The following ASIC4 variants were observed in gnomAD, a reference collection of about 807,000 sequenced individuals.
ASIC4 encodes acid-sensing ion channel 4.
In ASIC4, 28 loss-of-function variants were observed where a neutral mutation model predicts 53.4. That is an observed-to-expected ratio of 0.52 (90% CI 0.39 to 0.72). The LOEUF (loss-of-function observed/expected upper bound fraction) is 0.72, where lower values mean the gene tolerates loss of function less well. Among genes scored for constraint, ASIC4 ranks in the 30% least tolerant of loss-of-function variants. ASIC4 has a pLI of 0.00. For missense variants in ASIC4, 649 were observed against 729.7 expected, an observed-to-expected ratio of 0.89 and a Z score of 1.27; for synonymous variants, 289 against 301.4, an observed-to-expected ratio of 0.96 and a Z score of 0.43.
In ASIC4 at chr2:219,517,712, C is replaced by T. The variant is rs1201631121; in HGVS notation, c.582+2406C>T. ...GGGTCTCCAAAAAGGACGTGAGGTC[C>T]ATAATCAGCTCTGTGGTGAGGACCT... On this transcript the variant is annotated intron_variant, in intron 1 of 9. Transcript: ENST00000358078. The surrounding 1 kb of genome is among the most constrained non-coding windows in gnomAD (Gnocchi z 4.2). Among the ~76,000 whole-genome samples the T allele has an allele frequency of 6.6e-6, 1 of 152,052 alleles. No homozygotes were observed. The highest frequency in any genetic ancestry group is 1.9e-4 in the East Asian group (1 of 5,190).
chr2:219,515,467 G>A (rs184209670), intron 1 of ASIC4, among the ~76,000 whole-genome samples, 161 bp downstream of exon 1: 1 of 152,374 alleles, frequency 6.6e-6, no homozygotes, highest in Admixed American at 6.5e-5. Context: ...GTCTCCCTCT[G>A]GCTTCCCAGC....
rs1695148660 is a variant in ASIC4, at chr2:219,536,990, G to C, written c.1230-76G>C. 1.5e-6 allele frequency: 2 copies of C among 1,303,386 alleles called. No homozygotes were observed. Among genetic ancestry groups the C allele is most frequent in the Non-Finnish European group, 2.2e-6 (2 of 911,396 alleles). The allele number at this position is 1,303,386 out of a possible 1,614,324, so 80.7% of individuals were successfully genotyped here. A position where few individuals can be genotyped will look rare whatever the true frequency, so the allele number is the denominator to read the frequency against. ...ATGTAGTGATCTCTGATCAGGATCT[G>C]CTGGATCCAGGATGCCCCTGCCAGC... On this transcript the variant is annotated intron_variant, in intron 6 of 9. Transcript: ENST00000358078. This position sits in a 1 kb window ranked among gnomAD's most constrained non-coding sequence, Gnocchi z 4.6.
chr2:219,533,289 T>A, intron 5 of ASIC4: 1 of 411,520 alleles, frequency 2.4e-6, no homozygotes, highest in Middle Eastern at 7.3e-4. Context: ...GCTATCGGTG[T>A]GGGTAAGGCA....
rs745384849 is a variant in ASIC4, at chr2:219,532,349, G to A, written c.890G>A (p.Arg297His). 7.2e-5 allele frequency: 116 copies of A among 1,613,638 alleles called. 1 individual carries two copies. The East Asian group carries it at 8.7e-4, about 12-fold the overall frequency. Residue 297 changes from arginine to histidine, a missense_variant, in exon 4 of 10, where the codon CGC (arginine) becomes CAC (histidine). Coordinates refer to ENST00000358078, the MANE Select transcript of ASIC4 (RefSeq NM_018674.6). ...CTGCCCCAGCCCTGGGGCAACTGCC[G>A]CGCAGAGAGTGAGCTCAGGGAGCCT... ...TYLPQPWGNC[R>H]AESELREPEL... is the part of the protein sequence containing the mutation.
Position 219,535,337 on chromosome 2 carries a change from GT to G in ASIC4, c.1229+14del, listed in dbSNP as rs757037555. 4.8e-5 allele frequency: 76 copies of G among 1,570,538 alleles called. 3 individuals are homozygous for G. In the Admixed American group the frequency reaches 8.0e-4, roughly 17 times the overall value. On this transcript the variant is annotated intron_variant, in intron 6 of 9. Transcript: ENST00000358078. ...AGACCTACATACGGTATGTGTGTGT[GT>G]GTGTGGGGGGTGGCTGTGTGACTCT...
Position 219,515,071 on chromosome 2 carries a change from C to A in ASIC4, c.347C>A (p.Thr116Asn). Reference sequence around the variant, plus strand: ...CCAGTGGCGGGCTTCCCGGCTGTCACCCTCTGCAATATCAACCGCTTCCGG... The same window carrying A: ...CCAGTGGCGGGCTTCCCGGCTGTCAACCTCTGCAATATCAACCGCTTCCGG... ...PAPVAGFPAV[T>N]LCNINRFRHS... Residue 116 changes from threonine (T) to asparagine (N), a missense_variant, in exon 1 of 10, where the codon ACC becomes AAC. Transcript: ENST00000358078. The A allele has an allele frequency of 6.2e-7, 1 of 1,613,760 alleles. No individual in the cohort carries two copies. The highest frequency in any genetic ancestry group is 8.5e-7 in the Non-Finnish European group (1 of 1,180,006).
intron 4 of ASIC4, 103 bp from the exon 5 acceptor site, chr2:219,532,780 A>G (rs1695064505): frequency 9.0e-7 from 1 of 1,114,748 alleles, no homozygotes; most frequent in Non-Finnish European, 1.3e-6. Context: ...ATTTATGCAA[A>G]TGTGTGCATA....
upstream of ASIC4, among the ~76,000 whole-genome samples, chr2:219,510,355 C>A (rs977003853): frequency 6.6e-6 from 1 of 152,176 alleles, no homozygotes; most frequent in East Asian, 1.9e-4. This position sits in a 1 kb window ranked among gnomAD's most constrained non-coding sequence, Gnocchi z 5.2. Flanking sequence ...CACCCCCTCC[C>A]GGCCAGCCTG....
intron 3 of ASIC4, 35 bp from the exon 4 acceptor site, chr2:219,532,280 C>T (rs1423458229): frequency 6.3e-7 from 1 of 1,599,560 alleles, no homozygotes; most frequent in Non-Finnish European, 8.6e-7. Flanking sequence ...GGGTGGGATT[C>T]CTGAGCATGA....
intron 1 of ASIC4, among the ~76,000 whole-genome samples, chr2:219,521,955 G>C (rs1694891426): frequency 1.3e-5 from 2 of 152,202 alleles, no homozygotes; most frequent in African/African-American, 4.8e-5. Context: ...GAAGGCAGGA[G>C]GAGGACAGAG....
upstream of ASIC4, among the ~76,000 whole-genome samples, chr2:219,512,541 G>A (rs1035750899): frequency 1.3e-5 from 2 of 152,206 alleles, no homozygotes; most frequent in South Asian, 2.1e-4. Flanking sequence ...AGGAACAGTG[G>A]GGGGAGTTCT....
chr2:219,532,807 T>C (rs1173971152), intron 4 of ASIC4, 76 bp from the exon 5 acceptor site: 1 of 1,353,908 alleles, frequency 7.4e-7, no homozygotes, highest in Non-Finnish European at 1.0e-6. Context: ...TGCATGCATG[T>C]ATGTGCTTAC....
At chr2:219,519,512 T>C (rs1054353035) in intron 1 of ASIC4, among the ~76,000 whole-genome samples, 1 of 152,218 alleles carries the variant, frequency 6.6e-6, no homozygotes, top group African/African-American at 2.4e-5. Flanking sequence ...CACGTGTGCA[T>C]AGGTGCAGGA....
chr2:219,528,900 A>G (rs577914422), intron 1 of ASIC4, among the ~76,000 whole-genome samples: 2 of 152,270 alleles, frequency 1.3e-5, no homozygotes, highest in South Asian at 4.1e-4. Context: ...GTGACTTGCG[A>G]TAAGAGCACA....
chr2:219,514,202 TG>T, upstream of ASIC4: 1 of 1,050,504 alleles, frequency 9.5e-7, no homozygotes, highest in Non-Finnish European at 1.3e-6. Context: ...AGCAGGAGTT[TG>T]GGGGATAGCC....
In ASIC4 at chr2:219,536,911, G is replaced by T. The variant is rs1195839614; in HGVS notation, c.1230-155G>T. Among the ~76,000 whole-genome samples the T allele has an allele frequency of 2.6e-5, 4 of 152,164 alleles. No individual in the cohort carries two copies. The East Asian group carries it at 7.7e-4, about 29-fold the overall frequency. The stretch of plus-strand genomic sequence containing the variant: ...AAAGATGAAGCTAACACACATCCGG[G>T]ACTGCCTCCCCTCACAGCCTTGGGG... On this transcript the variant is annotated intron_variant, in intron 6 of 9. Transcript: ENST00000358078. This position sits in a 1 kb window ranked among gnomAD's most constrained non-coding sequence, Gnocchi z 4.6.
upstream of ASIC4, among the ~76,000 whole-genome samples, chr2:219,511,708 G>A (rs571559423): frequency 1.1e-3 from 175 of 152,188 alleles, no homozygotes; most frequent in South Asian, 0.01. This position sits in a 1 kb window ranked among gnomAD's most constrained non-coding sequence, Gnocchi z 5.3. Context: ...CTGGTCCCCC[G>A]GGAGTGGGTG....
chr2:219,525,469 C>T (rs1257105937), intron 1 of ASIC4, among the ~76,000 whole-genome samples: 1 of 152,200 alleles, frequency 6.6e-6, no homozygotes, highest in Non-Finnish European at 1.5e-5. Flanking sequence ...TGATGTTGGC[C>T]CGTGAACCTG....
chr2:219,522,592 A>C (rs1694904573), intron 1 of ASIC4, among the ~76,000 whole-genome samples: 1 of 149,616 alleles, frequency 6.7e-6, no homozygotes, highest in African/African-American at 2.5e-5. Context: ...CTGGCTGGGG[A>C]TCTGAGGTCG....
Sources: gnomAD v4.1 joint callset for allele counts (sites outside exome capture counted in the v4.1 genomes callset) on GRCh38, gnomAD v4.1.1 for gene constraint, Gnocchi (gnomAD v3.1) non-coding constraint, MANE v1.5 for transcripts, NCBI Gene and HGNC (gene_info 2026-07-23, HGNC 2026-07-21) for gene names.